Variants in SPTB observed in about 807,000 individuals in gnomAD.
The protein encoded by SPTB is spectrin beta chain, erythrocytic.
Under a neutral mutation model 256.2 loss-of-function variants are expected in SPTB, and 45 were observed. The observed-to-expected ratio is 0.18, with a 90% CI of 0.14 to 0.23. SPTB has a LOEUF of 0.23. Ranked by LOEUF, SPTB falls within the 10% of genes least tolerant of loss-of-function variation. The probability of loss-of-function intolerance (pLI) is 1.00; values close to 1 mark genes in which losing one functional copy is unlikely to be tolerated. For synonymous variants in SPTB, 1,231 were observed against 1,243.1 expected (o/e 0.99, Z 0.21); for missense variants, 2,715 against 3,040.4 (o/e 0.89, Z 2.52).
chr14:64,837,439 C>CATTAAAG (rs1461648512), intron 1 of SPTB, among the ~76,000 whole-genome samples: 1 of 151,838 alleles, frequency 6.6e-6, no homozygotes, highest in African/African-American at 2.4e-5. Flanking sequence ...AGAAAGAAAC[C>CATTAAAG]AAAGATCTAA....
In SPTB at chr14:64,769,016, C is replaced by T; in HGVS notation, c.6022+18G>A. ...GGGTACTCCTGCCCCTGGGCCCTGG[C>T]TCCAGGGCTGTACTCACACATGCGG... On this transcript the variant is annotated intron_variant, in intron 29 of 35. Transcript: ENST00000644917. 1 of 1,604,486 alleles carries T rather than the reference C, an allele frequency of 6.2e-7. No homozygotes were observed. Among genetic ancestry groups the T allele is most frequent in the Non-Finnish European group, 8.5e-7 (1 of 1,173,606 alleles).
rs764135360 is a variant in SPTB at position 64,795,329 on chromosome 14, G to C, written c.1644+8C>G. 6.2e-7 allele frequency: 1 copy of C among 1,602,648 alleles called. No individual in the cohort carries two copies. ...CAGGGCATGGCGGGGGCGGCCCCCA[G>C]GGCCCACCTTGATCTCATCCATCCA... On this transcript the variant is annotated splice_region_variant and intron_variant, in intron 12 of 35. Transcript: ENST00000644917. This position sits in a 1 kb window ranked among gnomAD's most constrained non-coding sequence, Gnocchi z 6.5.
intron 1 of SPTB, among the ~76,000 whole-genome samples, chr14:64,843,275 G>A (rs2083636416): frequency 1.3e-5 from 2 of 152,272 alleles, no homozygotes; most frequent in East Asian, 3.9e-4. Flanking sequence ...AAGACACGCA[G>A]AGGCAACCAC....
rs1467297721 is a variant in SPTB, at chr14:64,795,766, A to G, written c.1342-127T>C. The G allele has an allele frequency of 4.0e-6, 4 of 990,126 alleles. No individual in the cohort carries two copies. In the South Asian group the frequency reaches 4.2e-5, roughly 10 times the overall value. The allele number at this position is 990,126 out of a possible 1,614,324, so 61.3% of individuals were successfully genotyped here. ...GAAAGCACATTCCCAAGAAGCAGCTAGTTCTGCCTTACTTTTGCAGCCTGT... is the reference window on the plus strand; with the variant it reads ...GAAAGCACATTCCCAAGAAGCAGCTGGTTCTGCCTTACTTTTGCAGCCTGT... On this transcript the variant is annotated intron_variant, in intron 11 of 35. Coordinates refer to ENST00000644917, the MANE Select transcript of SPTB (RefSeq NM_001355436.2). This position sits in a 1 kb window ranked among gnomAD's most constrained non-coding sequence, Gnocchi z 6.5.
chr14:64,791,882 G>A, intron 14 of SPTB, 26 bp from the exon 15 acceptor site: 1 of 1,613,964 alleles, frequency 6.2e-7, no homozygotes, highest in Non-Finnish European at 8.5e-7. Flanking sequence ...GAAAATATGA[G>A]GATGGGTGAG....
chr14:64,856,993 T>A (rs2083884625), intron 1 of SPTB, among the ~76,000 whole-genome samples: 1 of 152,178 alleles, frequency 6.6e-6, no homozygotes, highest in African/African-American at 2.4e-5. Context: ...TTCCTTATCA[T>A]TTGTTCATAT....
rs374994056 is a variant in SPTB at position 64,793,032 on chromosome 14, T to A, written c.2631A>T (p.Pro877=). Reference sequence around the variant, plus strand: ...CGACCTCCAGGTCCTCCAGGGTGTCTGGCATTTCCATCTCGGCCAGCCACT... The same window carrying A: ...CGACCTCCAGGTCCTCCAGGGTGTCAGGCATTTCCATCTCGGCCAGCCACT... ...KEKWLAEMEM[P]DTLEDLEVVQ... The change falls in exon 14 of 36, where the codon CCA becomes CCT. Residue 877 remains proline, a synonymous_variant. Transcript: ENST00000644917. The surrounding 1 kb of genome is among the most constrained non-coding windows in gnomAD (Gnocchi z 7.0). 6.5e-4 allele frequency: 1,049 copies of A among 1,614,006 alleles called. 13 individuals are homozygous for A. The South Asian group carries it at 0.011, about 17-fold the overall frequency.
intron 1 of SPTB, among the ~76,000 whole-genome samples, chr14:64,871,405 A>G (rs895402987): frequency 8.5e-5 from 13 of 152,232 alleles, no homozygotes; most frequent in Non-Finnish European, 1.9e-4. Flanking sequence ...TGGCTCCTTA[A>G]AAGCCAACTT....
chr14:64,766,007 A>ATGTG (rs1415125440), intron 32 of SPTB, among the ~76,000 whole-genome samples: 1 of 135,548 alleles, frequency 7.4e-6, no homozygotes, highest in Non-Finnish European at 1.6e-5. Context: ...TGGTGTGTGC[A>ATGTG]TATTTGTGTG....
chr14:64,851,257 A>C (rs1474590539), intron 1 of SPTB, among the ~76,000 whole-genome samples: 1 of 152,234 alleles, frequency 6.6e-6, no homozygotes, highest in Non-Finnish European at 1.5e-5. Flanking sequence ...CATGGGTTCA[A>C]ATTCCAGCTC....
chr14:64,781,903 T>C (rs1419241822), intron 20 of SPTB, among the ~76,000 whole-genome samples: 1 of 152,168 alleles, frequency 6.6e-6, no homozygotes, highest in Non-Finnish European at 1.5e-5. Flanking sequence ...AACGAGATCA[T>C]GTCTTTTGTG....
chr14:64,824,196 C>T lies in SPTB; in HGVS notation c.-51-1051G>A, dbSNP rs1332783551. ...GTCATGGCTGGCTTAGGTGGGGACT[C>T]GGCGGGGACTGGTATCAGGGAGGGG... On this transcript the variant is annotated intron_variant, in intron 1 of 35. Transcript: ENST00000644917. The surrounding 1 kb of genome is among the most constrained non-coding windows in gnomAD (Gnocchi z 5.7). Among the ~76,000 whole-genome samples, 4 of 151,964 alleles carry T rather than the reference C, an allele frequency of 2.6e-5. No individual in the cohort carries two copies. Among genetic ancestry groups the T allele is most frequent in the East Asian group, 1.9e-4 (1 of 5,184 alleles).
At chr14:64,857,969 C>A (rs1048422953) in intron 1 of SPTB, among the ~76,000 whole-genome samples, 1 of 152,196 alleles carries the variant, frequency 6.6e-6, no homozygotes, top group Admixed American at 6.5e-5. Flanking sequence ...GCATCTGACA[C>A]ACATTTTTAT....
rs148232163 is a variant in SPTB, at chr14:64,803,254, C to T, written c.474+353G>A. On this transcript the variant is annotated intron_variant, in intron 4 of 35. Transcript: ENST00000644917. ...GGAAAATATACACACAGATCTTCTACACAATTTTTGCAATTTTCTGTATCT... is the reference window on the plus strand; with the variant it reads ...GGAAAATATACACACAGATCTTCTATACAATTTTTGCAATTTTCTGTATCT... Among the ~76,000 whole-genome samples, 1,479 of 152,276 alleles carry T rather than the reference C, an allele frequency of 9.7e-3. 28 individuals are homozygous for T. The highest frequency in any genetic ancestry group is 0.034 in the African/African-American group (1,402 of 41,552).
chr14:64,769,689 C>G lies in SPTB; in HGVS notation c.5838G>C (p.Gln1946His). 1.2e-6 allele frequency: 2 copies of G among 1,614,204 alleles called. No homozygotes were observed. Among genetic ancestry groups the G allele is most frequent in the Non-Finnish European group, 1.7e-6 (2 of 1,180,038 alleles). The change falls in exon 28 of 36, where the codon CAG becomes CAC. Residue 1946 changes from glutamine to histidine, a missense_variant. Coordinates refer to ENST00000644917, the MANE Select transcript of SPTB (RefSeq NM_001355436.2). ...SSVELLMKYH[Q>H]GINAEIETRS... ...GGGTTTCAATCTCTGCATTGATGCC[C>G]TGGTGATACTTCATGAGCAGTTCCA...
intron 33 of SPTB, chr14:64,752,254 TTTCCTCCTCCTC>T (rs747591754): frequency 4.5e-6 from 6 of 1,346,854 alleles, no homozygotes; most frequent in Non-Finnish European, 3.9e-6. Flanking sequence ...ACAGACTCTG[TTTCCTCCTCCTC>T]TTCATCCTCC....
At chr14:64,871,482 A>C (rs1882529928) in intron 1 of SPTB, among the ~76,000 whole-genome samples, 1 of 152,216 alleles carries the variant, frequency 6.6e-6, no homozygotes, top group African/African-American at 2.4e-5. Context: ...GGGGTGTTAT[A>C]TGATGAACAC....
Position 64,806,738 on chromosome 14 carries a change from G to T in SPTB, c.149-1648C>A, listed in dbSNP as rs2082991755. ...TGGTGGGGAACTCAAGGACAAGACT[G>T]ATGGTCCCTATCCTTGAGGCAGACA... On this transcript the variant is annotated intron_variant, in intron 2 of 35. Coordinates refer to ENST00000644917, the MANE Select transcript of SPTB (RefSeq NM_001355436.2). This position sits in a 1 kb window ranked among gnomAD's most constrained non-coding sequence, Gnocchi z 4.1. 6.6e-6 allele frequency among the ~76,000 whole-genome samples: 1 copy of T among 152,176 alleles called. No homozygotes were observed. Among genetic ancestry groups the T allele is most frequent in the African/African-American group, 2.4e-5 (1 of 41,444 alleles).
intron 15 of SPTB, among the ~76,000 whole-genome samples, chr14:64,788,094 T>C (rs772766620): frequency 7.9e-5 from 12 of 152,148 alleles, no homozygotes; most frequent in Non-Finnish European, 1.6e-4. Flanking sequence ...TAACATAGCA[T>C]AAAGTTTCAT....
Sources: gnomAD v4.1 joint callset for allele counts (sites outside exome capture counted in the v4.1 genomes callset) on GRCh38, gnomAD v4.1.1 for gene constraint, Gnocchi (gnomAD v3.1) non-coding constraint, MANE v1.5 for transcripts, NCBI Gene and HGNC (gene_info 2026-07-23, HGNC 2026-07-21) for gene names.